Variants in CDC42SE2 observed in about 807,000 individuals in gnomAD.
CDC42SE2 encodes CDC42 small effector protein 2.
In CDC42SE2, 3 loss-of-function variants were observed where a neutral mutation model predicts 11.5. The ratio of observed to expected loss-of-function variants is 0.26; its 90% confidence interval spans 0.12 to 0.67. The LOEUF (loss-of-function observed/expected upper bound fraction) is 0.67. Ranked by LOEUF, CDC42SE2 falls within the 30% of genes least tolerant of loss-of-function variation. CDC42SE2 has a pLI of 0.80. For missense variants in CDC42SE2, 82 were observed against 106.8 expected, an observed-to-expected ratio of 0.77 and a Z score of 1.02; for synonymous variants, 33 against 34.8, an observed-to-expected ratio of 0.95 and a Z score of 0.18.
At chr5:131,278,750 C>T (rs867523214) in intron 1 of CDC42SE2, among the ~76,000 whole-genome samples, 1 of 8,896 alleles carries the variant, frequency 1.1e-4, no homozygotes, top group Non-Finnish European at 2.0e-4. Context: ...TCCCCCTCCC[C>T]TCCCCTCTCC....
At chr5:131,353,887 C>T (rs946500883) in intron 2 of CDC42SE2, among the ~76,000 whole-genome samples, 5 of 149,794 alleles carry the variant, frequency 3.3e-5, no homozygotes, top group African/African-American at 1.2e-4. Context: ...ACTCTGGCCT[C>T]GGTGACAGAG....
rs1444347962 is a variant in CDC42SE2 at position 131,359,336 on chromosome 5, G to C, written c.-158G>C. ...CAAATTTTTCTTTATTAAATCGACT[G>C]TGTAAGATACTTGACTTCCAGGAAC... On this transcript the variant is annotated 5_prime_UTR_variant, in exon 3 of 5. Coordinates refer to ENST00000505065, the MANE Select transcript of CDC42SE2 (RefSeq NM_001375635.1). 1.4e-6 allele frequency: 1 copy of C among 698,494 alleles called. No individual in the cohort carries two copies. The highest frequency in any genetic ancestry group is 2.6e-6 in the Non-Finnish European group (1 of 380,608). The allele number at this position is 698,494 out of a possible 1,614,324, so 43.3% of individuals were successfully genotyped here. A position where few individuals can be genotyped will look rare whatever the true frequency, so the allele number is the denominator to read the frequency against.
the CDC42SE2 span, among the ~76,000 whole-genome samples, chr5:131,235,322 G>A: frequency 8.4e-5 from 12 of 142,850 alleles, no homozygotes; most frequent in Admixed American, 2.8e-4. Context: ...ATAGAGTCTC[G>A]CTCTGTAGCC....
intron 1 of CDC42SE2, among the ~76,000 whole-genome samples, chr5:131,309,767 G>C (rs1391292565): frequency 6.6e-6 from 1 of 151,934 alleles, no homozygotes; most frequent in Non-Finnish European, 1.5e-5. Context: ...ATGGTAGTTT[G>C]TATTTCTGTG....
intron 2 of CDC42SE2, among the ~76,000 whole-genome samples, chr5:131,340,888 G>A (rs1758696188): frequency 6.6e-6 from 1 of 151,988 alleles, no homozygotes; most frequent in Non-Finnish European, 1.5e-5. Context: ...TGTTGGCCAG[G>A]CTGGTCTCGA....
intron 1 of CDC42SE2, among the ~76,000 whole-genome samples, chr5:131,269,915 G>T (rs1756957340): frequency 6.6e-6 from 1 of 151,636 alleles, no homozygotes; most frequent in Non-Finnish European, 1.5e-5. Context: ...ACAAGAGTTA[G>T]CCGGGCGCGG....
At chr5:131,302,933 T>C (rs538045224) in intron 1 of CDC42SE2, among the ~76,000 whole-genome samples, 20 of 152,254 alleles carry the variant, frequency 1.3e-4, no homozygotes, top group African/African-American at 4.6e-4. Flanking sequence ...CTGTACCCAC[T>C]TCTGTAACTC....
At chr5:131,293,536 C>G (rs555129411) in intron 1 of CDC42SE2, among the ~76,000 whole-genome samples, 1 of 146,452 alleles carries the variant, frequency 6.8e-6, no homozygotes, top group Non-Finnish European at 1.5e-5. Flanking sequence ...CAGGCCACTG[C>G]ACTCTAGCCT....
In CDC42SE2 at chr5:131,385,629, C is replaced by A. The variant is rs376534778; in HGVS notation, c.141C>A (p.Phe47Leu). 6.2e-7 allele frequency: 1 copy of A among 1,609,762 alleles called. No homozygotes were observed. Among genetic ancestry groups the A allele is most frequent in the South Asian group, 1.1e-5 (1 of 90,942 alleles). ...HTAHVGSGDLFSGMNSVSSIQ... is the reference protein window; with the variant it reads ...HTAHVGSGDLLSGMNSVSSIQ... ...CTCATGTTGGATCAGGAGACCTGTTCAGTGGAATGAATTCAGTAAGTATGT... is the reference window on the plus strand; with the variant it reads ...CTCATGTTGGATCAGGAGACCTGTTAAGTGGAATGAATTCAGTAAGTATGT... The change falls in exon 4 of 5, where the codon TTC (phenylalanine) becomes TTA (leucine). Residue 47 changes from phenylalanine (F) to leucine (L), a missense_variant. Physicochemically the swap from Phe to Leu is conservative, Grantham distance 22. Transcript: ENST00000505065.
chr5:131,221,756 G>A, the CDC42SE2 span, among the ~76,000 whole-genome samples: 4 of 151,920 alleles, frequency 2.6e-5, no homozygotes, highest in African/African-American at 4.8e-5. Flanking sequence ...CTCAACAAAC[G>A]ATTTCTAACA....
intron 1 of CDC42SE2, among the ~76,000 whole-genome samples, chr5:131,313,050 T>G (rs1757963543): frequency 6.6e-6 from 1 of 152,112 alleles, no homozygotes; most frequent in South Asian, 2.1e-4. Context: ...TGGCGTGATC[T>G]TGGCTCACTG....
At chr5:131,337,234 TC>T (rs1308600252) in intron 2 of CDC42SE2, among the ~76,000 whole-genome samples, 9 of 152,174 alleles carry the variant, frequency 5.9e-5, no homozygotes, top group Admixed American at 5.9e-4. Flanking sequence ...GGAGGTCCAC[TC>T]CAGACCCTGT....
chr5:131,212,223 T>C, the CDC42SE2 span, among the ~76,000 whole-genome samples: 1 of 152,018 alleles, frequency 6.6e-6, no homozygotes, highest in South Asian at 2.1e-4. Flanking sequence ...TTCTCCTGTC[T>C]CAGCCTCCTG....
chr5:131,348,306 A>G (rs1271435063), intron 2 of CDC42SE2, among the ~76,000 whole-genome samples: 2 of 152,254 alleles, frequency 1.3e-5, no homozygotes, highest in African/African-American at 4.8e-5. Context: ...GTCTCACGAT[A>G]CAAAATCAAT....
the CDC42SE2 span, among the ~76,000 whole-genome samples, chr5:131,216,578 CAGAA>C: frequency 6.7e-6 from 1 of 148,810 alleles, no homozygotes; most frequent in South Asian, 2.1e-4. Context: ...AAAAGATTGA[CAGAA>C]AGAGGCCATT....
intron 1 of CDC42SE2, among the ~76,000 whole-genome samples, chr5:131,306,075 G>A (rs2149719747): frequency 6.6e-6 from 1 of 152,318 alleles, no homozygotes; most frequent in Non-Finnish European, 1.5e-5. Context: ...TCTGAAAATA[G>A]TGTATGGAAA....
At chr5:131,349,951 A>G (rs1000147180) in intron 2 of CDC42SE2, among the ~76,000 whole-genome samples, 9 of 152,188 alleles carry the variant, frequency 5.9e-5, no homozygotes, top group African/African-American at 2.2e-4. Context: ...AATAAATAGA[A>G]TTTGTGAAAA....
At chr5:131,222,423 A>G in the CDC42SE2 span, among the ~76,000 whole-genome samples, 1 of 152,314 alleles carries the variant, frequency 6.6e-6, no homozygotes, top group South Asian at 2.1e-4. Context: ...AATAGTCCCT[A>G]CCTGAAATTA....
At chr5:131,293,954 T>A (rs1443551997) in intron 1 of CDC42SE2, among the ~76,000 whole-genome samples, 2 of 152,194 alleles carry the variant, frequency 1.3e-5, no homozygotes, top group African/African-American at 4.8e-5. Context: ...ATGTATTGGC[T>A]GCTTTAAGAT....
Sources: allele counts gnomAD v4.1 joint callset (sites outside exome capture counted in the v4.1 genomes callset), GRCh38; gene constraint gnomAD v4.1.1; transcripts MANE v1.5; gene names NCBI Gene and HGNC (gene_info 2026-07-23, HGNC 2026-07-21).